Variants in PDE1A observed in about 807,000 individuals in gnomAD.
PDE1A encodes the protein phosphodiesterase 1A, also known as dual specificity calcium/calmodulin-dependent 3',5'-cyclic nucleotide phosphodiesterase 1A.
In PDE1A, 35 loss-of-function variants were observed where a neutral mutation model predicts 61.7. The observed-to-expected ratio is 0.57, with a 90% confidence interval of 0.43 to 0.75. The LOEUF is 0.75. Ranked by LOEUF, PDE1A falls within the 30% of genes least tolerant of loss-of-function variation. The pLI, the probability that PDE1A is intolerant of heterozygous loss-of-function variation, is 0.00. For missense variants in PDE1A, 597 were observed against 630.6 expected, an observed-to-expected ratio of 0.95 and a Z score of 0.57; for synonymous variants, 232 against 213.2, an observed-to-expected ratio of 1.09 and a Z score of -0.77.
At chr2:182,253,717 A>G (rs949539259) in intron 2 of PDE1A, among the ~76,000 whole-genome samples, 1 of 152,116 alleles carries the variant, frequency 6.6e-6, no homozygotes, top group Non-Finnish European at 1.5e-5. Context: ...TAAAAAAGGG[A>G]GTAAATAATT....
the PDE1A span, among the ~76,000 whole-genome samples, chr2:182,645,520 T>A: frequency 6.6e-6 from 1 of 152,186 alleles, no homozygotes; most frequent in African/African-American, 2.4e-5. Flanking sequence ...AGAACACTTA[T>A]CTTTTTTTGT....
At chr2:182,598,338 G>A in the PDE1A span, among the ~76,000 whole-genome samples, 4 of 152,124 alleles carry the variant, frequency 2.6e-5, no homozygotes, top group South Asian at 4.1e-4. Context: ...TTGGGAGGCC[G>A]AGGCGGAGGG....
At chr2:182,295,160 T>C (rs796533140) in intron 1 of PDE1A, among the ~76,000 whole-genome samples, 3 of 134,496 alleles carry the variant, frequency 2.2e-5, no homozygotes, top group Non-Finnish European at 4.6e-5. Context: ...CTGCAAGCTC[T>C]GCCTCCCGAG....
intron 1 of PDE1A, among the ~76,000 whole-genome samples, chr2:182,385,720 C>G (rs1399739322): frequency 1.5e-5 from 2 of 137,100 alleles, no homozygotes; most frequent in Non-Finnish European, 3.2e-5. Flanking sequence ...CCTCTCCCTC[C>G]TCTCCCTCTC....
At chr2:182,670,034 T>A in the PDE1A span, among the ~76,000 whole-genome samples, 1 of 152,214 alleles carries the variant, frequency 6.6e-6, no homozygotes, top group Non-Finnish European at 1.5e-5. Context: ...AACCACATGC[T>A]GTTTGCAAGC....
chr2:182,527,710 C>A (rs1041440032), upstream of PDE1A, among the ~76,000 whole-genome samples: 1 of 151,982 alleles, frequency 6.6e-6, no homozygotes, highest in African/African-American at 2.4e-5. Context: ...GTGTTCCCAT[C>A]CAAATCTCAT....
chr2:182,244,246 T>A (rs771537792), intron 2 of PDE1A, among the ~76,000 whole-genome samples: 44 of 152,350 alleles, frequency 2.9e-4, no homozygotes, highest in Non-Finnish European at 5.1e-4. Flanking sequence ...TTCAGGGAAA[T>A]GGATTATGCC....
At chr2:182,249,408 A>G (rs1691227471) in intron 2 of PDE1A, among the ~76,000 whole-genome samples, 1 of 152,144 alleles carries the variant, frequency 6.6e-6, no homozygotes, top group African/African-American at 2.4e-5. Flanking sequence ...GAGGGCCATG[A>G]GCTTCAGGTT....
In PDE1A at chr2:182,522,417, C is replaced by A. The variant is rs552846086; in HGVS notation, c.-10-31G>T. On this transcript the variant is annotated intron_variant, in intron 1 of 14. Coordinates refer to the PDE1A transcript ENST00000410103. ...ACAATACAGTTACAGTCAGTTTCAGCAGCTAGAACAAGCATTCCTCAGTCC... is the reference window on the plus strand; with the variant it reads ...ACAATACAGTTACAGTCAGTTTCAGAAGCTAGAACAAGCATTCCTCAGTCC... 3.1e-6 allele frequency: 5 copies of A among 1,611,420 alleles called. No homozygotes were observed. The Admixed American group carries it at 6.7e-5, about 22-fold the overall frequency.
the PDE1A span, among the ~76,000 whole-genome samples, chr2:182,538,064 A>G: frequency 6.6e-6 from 1 of 152,060 alleles, no homozygotes. Flanking sequence ...CCTTTTTTCT[A>G]TGCCTTCAAC....
chr2:182,604,333 T>G, the PDE1A span, among the ~76,000 whole-genome samples: 1 of 152,208 alleles, frequency 6.6e-6, no homozygotes, highest in Non-Finnish European at 1.5e-5. Flanking sequence ...AATATAAATT[T>G]GATACATTAC....
chr2:182,519,346 A>G (rs1180279766), intron 2 of PDE1A, among the ~76,000 whole-genome samples: 1 of 152,082 alleles, frequency 6.6e-6, no homozygotes, highest in Non-Finnish European at 1.5e-5. Flanking sequence ...TATTTCCACC[A>G]TCATAGATGA....
At chr2:182,714,435 T>G in the PDE1A span, among the ~76,000 whole-genome samples, 1 of 152,228 alleles carries the variant, frequency 6.6e-6, no homozygotes, top group Non-Finnish European at 1.5e-5. Flanking sequence ...GAACTAGATA[T>G]GTCCAAGTCA....
At chr2:182,386,508 G>A (rs553815749) in intron 1 of PDE1A, among the ~76,000 whole-genome samples, 10 of 151,644 alleles carry the variant, frequency 6.6e-5, no homozygotes, top group African/African-American at 2.4e-4. Context: ...CCCCATCTGG[G>A]AGGTGAGGAA....
chr2:182,404,699 C>CT (rs748103830), intron 1 of PDE1A, among the ~76,000 whole-genome samples: 9 of 151,994 alleles, frequency 5.9e-5, no homozygotes, highest in Non-Finnish European at 1.2e-4. Flanking sequence ...CACACATTAC[C>CT]CTAGGGCCAC....
chr2:182,614,488 T>C, the PDE1A span, among the ~76,000 whole-genome samples: 3 of 152,084 alleles, frequency 2.0e-5, no homozygotes, highest in Non-Finnish European at 4.4e-5. Context: ...TATGAAAACA[T>C]TTTTCTTTGC....
intron 2 of PDE1A, among the ~76,000 whole-genome samples, chr2:182,485,684 T>TA (rs1034007139): frequency 6.6e-6 from 1 of 151,980 alleles, no homozygotes; most frequent in African/African-American, 2.4e-5. Flanking sequence ...GAGACAAGTT[T>TA]AAAATATAAA....
chr2:182,495,045 C>T (rs986263789), intron 2 of PDE1A, among the ~76,000 whole-genome samples: 1 of 152,054 alleles, frequency 6.6e-6, no homozygotes, highest in Non-Finnish European at 1.5e-5. Context: ...CGGGGGTGCT[C>T]GGCACTTCCA....
chr2:182,650,188 T>C, the PDE1A span, among the ~76,000 whole-genome samples: 1 of 152,126 alleles, frequency 6.6e-6, no homozygotes, highest in South Asian at 2.1e-4. Flanking sequence ...GATGAGGAAA[T>C]GTATAAGGGC....
Sources: gnomAD v4.1 joint callset for allele counts (sites outside exome capture counted in the v4.1 genomes callset) on GRCh38, gnomAD v4.1.1 for gene constraint, MANE v1.5 for transcripts, NCBI Gene and HGNC (gene_info 2026-07-23, HGNC 2026-07-21) for gene names.